The following TRPM3 variants were observed in gnomAD, a reference collection of about 807,000 sequenced individuals.
TRPM3 encodes the protein long transient receptor potential channel 3.
A neutral mutation model predicts 181.2 loss-of-function variants in TRPM3; 77 were observed. The ratio of observed to expected loss-of-function variants is 0.42; its 90% CI spans 0.35 to 0.51. TRPM3 has a LOEUF of 0.51. Ranked by LOEUF, TRPM3 falls within the 20% of genes least tolerant of loss-of-function variation. The pLI, the probability that TRPM3 is intolerant of heterozygous loss-of-function variation, is 0.01. For missense variants in TRPM3, 1,759 were observed against 2,196.7 expected (o/e 0.80, Z 3.98); for synonymous variants, 745 against 796.4 (o/e 0.94, Z 1.09).
At chr9:71,322,301 A>G (rs2089297584) in intron 1 of TRPM3, among the ~76,000 whole-genome samples, 1 of 152,168 alleles carries the variant, frequency 6.6e-6, no homozygotes, top group Non-Finnish European at 1.5e-5. Flanking sequence ...TGAATTTTGC[A>G]CAGATAATTC....
chr9:70,666,647 T>G (rs905948300), intron 9 of TRPM3, among the ~76,000 whole-genome samples: 3 of 152,072 alleles, frequency 2.0e-5, no homozygotes, highest in African/African-American at 7.3e-5. Context: ...TGTGGCCCAC[T>G]TTTTCTCTTT....
rs144261253 is a variant in TRPM3 at position 70,842,018 on chromosome 9, C to A, written c.801+985G>T. Among the ~76,000 whole-genome samples, 630 of 152,088 alleles carry A rather than the reference C, an allele frequency of 4.1e-3. 9 individuals carry two copies. The highest frequency in any genetic ancestry group is 0.015 in the African/African-American group (610 of 41,508). On this transcript the variant is annotated intron_variant, in intron 5 of 25. Transcript: ENST00000677713. ...GGTACACTAAAAGCCTAGATTTAAT[C>A]AGTATGCAATATACATACATAAGAC...
intron 1 of TRPM3, among the ~76,000 whole-genome samples, chr9:71,215,294 C>T (rs956858295): frequency 1.3e-5 from 2 of 152,138 alleles, no homozygotes; most frequent in Non-Finnish European, 2.9e-5. Context: ...GTGTGCATTG[C>T]AAAACATGCA....
intron 3 of TRPM3, among the ~76,000 whole-genome samples, chr9:70,847,694 C>A (rs113189468): frequency 0.029 from 4,365 of 151,914 alleles, 89 homozygotes; most frequent in Middle Eastern, 0.058. Flanking sequence ...AAGAAGATGG[C>A]AAGAAAACTT....
chr9:71,418,181 C>T (rs1331839030), intron 1 of TRPM3, among the ~76,000 whole-genome samples: 1 of 151,876 alleles, frequency 6.6e-6, no homozygotes. Flanking sequence ...CCAACTTCCA[C>T]CACACTGGCA....
At chr9:71,032,710 G>A (rs892049310) in intron 1 of TRPM3, among the ~76,000 whole-genome samples, 1 of 152,130 alleles carries the variant, frequency 6.6e-6, no homozygotes, top group East Asian at 1.9e-4. Context: ...ACAATTTCTA[G>A]TGTGTCAGAA....
intron 1 of TRPM3, among the ~76,000 whole-genome samples, chr9:71,063,325 T>G (rs1399138707): frequency 2.0e-5 from 3 of 152,292 alleles, no homozygotes; most frequent in Non-Finnish European, 4.4e-5. Flanking sequence ...AATTCTTTTA[T>G]GAAATCAGTA....
chr9:71,157,297 TA>T (rs1014772872), intron 1 of TRPM3, among the ~76,000 whole-genome samples: 1 of 152,286 alleles, frequency 6.6e-6, no homozygotes, highest in Non-Finnish European at 1.5e-5. Context: ...CTCACAACTT[TA>T]AAAAAGTCAG....
In TRPM3 at chr9:70,616,081, GT is replaced by G. The variant is rs772186212; in HGVS notation, c.2359-7del. 1.9e-6 allele frequency: 3 copies of G among 1,558,300 alleles called. No homozygotes were observed. The East Asian group carries it at 6.9e-5, about 36-fold the overall frequency. On this transcript the variant is annotated splice_region_variant and splice_polypyrimidine_tract_variant and intron_variant, in intron 17 of 25. Transcript: ENST00000677713. ...AGTAGAATTCCCAGAATTACCTAAAGTAATAATAATGATAATAATAATAATC... is the reference window on the plus strand; with the variant it reads ...AGTAGAATTCCCAGAATTACCTAAAGAATAATAATGATAATAATAATAATC...
rs2992994 is a variant in TRPM3 at position 70,939,603 on chromosome 9, A to C, written c.178-75092T>G. Among the ~76,000 whole-genome samples, 561 of 152,354 alleles carry C rather than the reference A, an allele frequency of 3.7e-3. 5 individuals are homozygous for C. The highest frequency in any genetic ancestry group is 0.013 in the African/African-American group (547 of 41,586). On this transcript the variant is annotated intron_variant, in intron 1 of 25. Coordinates refer to ENST00000677713, the MANE Select transcript of TRPM3 (RefSeq NM_001366145.2). ...CCACAAGGGTTGATTTTGCAAGTGA[A>C]AGATTGAAAAGAGAAATATCCTAAG...
chr9:71,333,897 A>G (rs1163204636), intron 1 of TRPM3, among the ~76,000 whole-genome samples: 1 of 151,914 alleles, frequency 6.6e-6, no homozygotes, highest in African/African-American at 2.4e-5. Context: ...GTTGAAAACC[A>G]ATTCGTTTAA....
chr9:71,219,193 TG>T (rs150057775), intron 1 of TRPM3, among the ~76,000 whole-genome samples: 1,639 of 151,740 alleles, frequency 0.011, 26 homozygotes, highest in East Asian at 0.075. Context: ...GTGTGTGTGT[TG>T]GGGGTGGGGG....
At chr9:70,930,087 G>C (rs2096760739) in intron 1 of TRPM3, among the ~76,000 whole-genome samples, 1 of 152,210 alleles carries the variant, frequency 6.6e-6, no homozygotes, top group Admixed American at 6.5e-5. Context: ...GCAAGGTTTT[G>C]AGCTTCTCAC....
intron 1 of TRPM3, among the ~76,000 whole-genome samples, chr9:71,138,113 CAAAAAAGA>C (rs1172694798): frequency 6.8e-6 from 1 of 146,004 alleles, no homozygotes; most frequent in Non-Finnish European, 1.5e-5. Context: ...GACTCTGTCT[CAAAAAAGA>C]AAAAAAGAAA....
chr9:70,831,126 T>A (rs10081694), intron 5 of TRPM3, among the ~76,000 whole-genome samples: 1 of 151,884 alleles, frequency 6.6e-6, no homozygotes, highest in Non-Finnish European at 1.5e-5. Context: ...AGAAATAACT[T>A]CCCAAATACC....
rs528683564 is a variant in TRPM3, at chr9:71,235,823, G to T, written c.183+210830C>A. On this transcript the variant is annotated intron_variant, in intron 1 of 24. Transcript: ENST00000357533. ...TTGAAAATCTCCAGTTTCTAGACTTGCAAAGGGCTCTCTGTTGATGCATAT... is the reference window on the plus strand; with the variant it reads ...TTGAAAATCTCCAGTTTCTAGACTTTCAAAGGGCTCTCTGTTGATGCATAT... Among the ~76,000 whole-genome samples, 42 of 152,270 alleles carry T rather than the reference G, an allele frequency of 2.8e-4. 1 individual carries two copies. The South Asian group carries it at 8.3e-3, about 30-fold the overall frequency.
At chr9:70,983,933 G>C (rs1176756935) in intron 1 of TRPM3, among the ~76,000 whole-genome samples, 1 of 152,094 alleles carries the variant, frequency 6.6e-6, no homozygotes, top group East Asian at 1.9e-4. Context: ...GGCTTCCTGG[G>C]GTGGTTACTG....
intron 1 of TRPM3, among the ~76,000 whole-genome samples, chr9:71,188,225 A>G (rs1469011994): frequency 6.6e-6 from 1 of 151,894 alleles, no homozygotes; most frequent in East Asian, 1.9e-4. Flanking sequence ...ACCAATTTAT[A>G]CTTCTGGCAG....
intron 1 of TRPM3, among the ~76,000 whole-genome samples, chr9:71,278,691 G>A (rs991061175): frequency 2.0e-5 from 3 of 150,082 alleles, no homozygotes; most frequent in African/African-American, 7.3e-5. Context: ...ATGTTTGATG[G>A]ACAGAAACAG....
Sources: allele counts gnomAD v4.1 joint callset (sites outside exome capture counted in the v4.1 genomes callset), GRCh38; gene constraint gnomAD v4.1.1; transcripts MANE v1.5; gene names NCBI Gene and HGNC (gene_info 2026-07-23, HGNC 2026-07-21).